Variants in TTC19 observed in about 807,000 individuals in gnomAD.
The protein encoded by TTC19 is tetratricopeptide repeat domain 19.
TTC19 carries 38 observed loss-of-function variants against 49.5 expected under a neutral mutation model. That is an observed-to-expected ratio of 0.77 (90% confidence interval 0.59 to 1.01). TTC19 has a LOEUF of 1.01. Ranked by LOEUF, TTC19 falls within the 50% of genes least tolerant of loss-of-function variation. The probability of loss-of-function intolerance (pLI) is 0.00; values close to 1 mark genes in which losing one functional copy is unlikely to be tolerated. For missense variants in TTC19, 475 were observed against 477.7 expected (o/e 0.99, Z 0.05); for synonymous variants, 204 against 185.2 (o/e 1.10, Z -0.83).
At chr17:16,017,988 GAAA>G (rs564072675) in intron 7 of TTC19, among the ~76,000 whole-genome samples, 1 of 151,900 alleles carries the variant, frequency 6.6e-6, no homozygotes, top group African/African-American at 2.4e-5. Context: ...TGACTCAGAG[GAAA>G]AAAAATTTTT....
At chr17:16,032,354 C>T (rs779863527), downstream of TTC19, 30 of 1,614,004 alleles carry the variant, frequency 1.9e-5, no homozygotes, top group Middle Eastern at 1.6e-4. Flanking sequence ...GGCAGGCTCT[C>T]GCTCCCAGAT....
chr17:16,002,713 G>A, intron 3 of TTC19, 80 bp from the exon 4 acceptor site: 2 of 1,401,520 alleles, frequency 1.4e-6, no homozygotes, highest in Non-Finnish European at 2.0e-6. Context: ...GAGGGTGAAA[G>A]CAAAAGGGAA....
intron 8 of TTC19, 29 bp from the exon 9 acceptor site, chr17:16,026,511 G>GA (rs1748897829): frequency 6.2e-7 from 1 of 1,611,920 alleles, no homozygotes; most frequent in African/African-American, 1.3e-5. Flanking sequence ...TGTTTTTAAA[G>GA]AAAAAATTGT....
chr17:16,040,422 A>G (rs765382362), intron 2 of TTC19: 1 of 1,611,186 alleles, frequency 6.2e-7, no homozygotes, highest in South Asian at 1.1e-5. Flanking sequence ...ATTGGTAAAT[A>G]ATGTCTTTTC....
In TTC19 at chr17:16,027,961, T is replaced by A. The variant is rs1180671291; in HGVS notation, c.*439T>A. ...AAACTGACCAGAATTACCTTCCTCATGGCAAAGGGGGATTATGGTGAATTG... is the reference window on the plus strand; with the variant it reads ...AAACTGACCAGAATTACCTTCCTCAAGGCAAAGGGGGATTATGGTGAATTG... On this transcript the variant is annotated 3_prime_UTR_variant, in exon 10 of 10. Transcript: ENST00000261647. The A allele has an allele frequency of 4.4e-6, 2 of 454,432 alleles. No homozygotes were observed. Among genetic ancestry groups the A allele is most frequent in the Admixed American group, 2.4e-5 (1 of 42,548 alleles). 28.1% of individuals were successfully genotyped at this position (454,432 alleles called of 1,614,324 possible).
chr17:16,026,901 C>T (rs1597470313), intron 9 of TTC19, 199 bp downstream of exon 9: 14 of 651,912 alleles, frequency 2.1e-5, no homozygotes, highest in Non-Finnish European at 3.8e-5. Context: ...TTCTACAGAC[C>T]TGCACTAGCC....
At chr17:16,032,889 T>A (rs1195038449), downstream of TTC19, among the ~76,000 whole-genome samples, 1 of 152,198 alleles carries the variant, frequency 6.6e-6, no homozygotes, top group Non-Finnish European at 1.5e-5. Context: ...CCCAGGAACG[T>A]CTGCAGACTG....
chr17:16,013,509 C>T (rs1300568159), intron 7 of TTC19, among the ~76,000 whole-genome samples: 2 of 152,006 alleles, frequency 1.3e-5, no homozygotes, highest in East Asian at 1.9e-4. Context: ...CCTTTTATTT[C>T]TAAACAGTTT....
intron 2 of TTC19, among the ~76,000 whole-genome samples, chr17:16,001,179 C>G (rs575336465): frequency 5.9e-5 from 9 of 152,222 alleles, no homozygotes; most frequent in Admixed American, 3.9e-4. Context: ...ATTATGTCAT[C>G]TCCTTGTCAG....
chr17:16,032,836 G>A (rs537858618), downstream of TTC19, among the ~76,000 whole-genome samples: 46 of 152,206 alleles, frequency 3.0e-4, no homozygotes, highest in Non-Finnish European at 6.3e-4. Context: ...AACTCTTCAA[G>A]AGAAATGCAA....
intron 4 of TTC19, among the ~76,000 whole-genome samples, chr17:16,003,375 T>C (rs1970798740): frequency 6.6e-6 from 1 of 152,132 alleles, no homozygotes; most frequent in Non-Finnish European, 1.5e-5. Flanking sequence ...CTCAGCCTCC[T>C]GAGTAGCTGG....
In TTC19 at chr17:16,025,066, C is replaced by T. The variant is rs1359119667; in HGVS notation, c.726C>T (p.Ala242=). ...TCCTCTTGGGCATGTGCTTAGACGC[C>T]TGTGCTCGCTACCTTCTGTTCTCCA... ...THLLLGMCLD[A]CARYLLFSKQ... The change falls in exon 8 of 10, where the codon GCC becomes GCT. Residue 242 remains alanine, a synonymous_variant. Coordinates refer to ENST00000261647, the MANE Select transcript of TTC19 (RefSeq NM_017775.4). The T allele has an allele frequency of 4.3e-6, 7 of 1,613,968 alleles. No individual in the cohort carries two copies. The highest frequency in any genetic ancestry group is 2.2e-5 in the East Asian group (1 of 44,882).
intron 2 of TTC19, among the ~76,000 whole-genome samples, chr17:16,035,216 G>A (rs1208975201): frequency 2.0e-5 from 3 of 152,178 alleles, no homozygotes; most frequent in Non-Finnish European, 4.4e-5. Context: ...TGGGATGGCT[G>A]TGGCAATTTC....
intron 7 of TTC19, among the ~76,000 whole-genome samples, chr17:16,006,862 G>A (rs1970925863): frequency 6.6e-6 from 1 of 151,930 alleles, no homozygotes; most frequent in Non-Finnish European, 1.5e-5. Context: ...AGAAGGAGAA[G>A]GTGTTTCTCG....
intron 2 of TTC19, among the ~76,000 whole-genome samples, chr17:16,043,339 G>A (rs1216038544): frequency 1.3e-5 from 2 of 152,088 alleles, no homozygotes; most frequent in African/African-American, 4.8e-5. Context: ...TGCCATGGTG[G>A]GCCCAGGAGC....
downstream of TTC19, chr17:16,031,616 A>T: frequency 4.5e-6 from 1 of 224,658 alleles, no homozygotes; most frequent in East Asian, 6.5e-5. Context: ...AAAAAAAATT[A>T]AAGCCTGCAC....
intron 7 of TTC19, among the ~76,000 whole-genome samples, chr17:16,008,406 C>T (rs1970973263): frequency 6.6e-6 from 1 of 152,148 alleles, no homozygotes; most frequent in Non-Finnish European, 1.5e-5. Flanking sequence ...AAGAATTGTC[C>T]ATGATTTCTT....
intron 2 of TTC19, among the ~76,000 whole-genome samples, chr17:16,042,846 A>C (rs1233219067): frequency 1.3e-5 from 2 of 152,224 alleles, no homozygotes; most frequent in Non-Finnish European, 2.9e-5. Context: ...AGAAGTAATG[A>C]GGTCTGCAAA....
chr17:16,037,948 A>T (rs2056755902), intron 2 of TTC19, among the ~76,000 whole-genome samples: 1 of 152,202 alleles, frequency 6.6e-6, no homozygotes. Flanking sequence ...ATTCCTATAC[A>T]ACCAGTACAA....
Sources: allele counts gnomAD v4.1 joint callset (sites outside exome capture counted in the v4.1 genomes callset), GRCh38; gene constraint gnomAD v4.1.1; transcripts MANE v1.5; gene names NCBI Gene and HGNC (gene_info 2026-07-23, HGNC 2026-07-21).